Variants in SCNN1B observed in about 807,000 individuals in gnomAD.
SCNN1B encodes the protein sodium channel epithelial 1 subunit beta.
SCNN1B carries 46 observed loss-of-function variants against 65.3 expected under a neutral mutation model. That is an observed-to-expected ratio of 0.70 (90% CI 0.56 to 0.90). SCNN1B has a LOEUF of 0.90. Ranked by LOEUF, SCNN1B falls within the 40% of genes least tolerant of loss-of-function variation. The pLI is 0.00. For synonymous variants in SCNN1B, 349 were observed against 330.6 expected (o/e 1.06, Z -0.60); for missense variants, 751 against 830.5 (o/e 0.90, Z 1.18).
intron 7 of SCNN1B, among the ~76,000 whole-genome samples, chr16:23,374,573 CAAAA>C (rs1168924579): frequency 0.081 from 3,868 of 47,980 alleles, 186 homozygotes; most frequent in African/African-American, 0.25. Context: ...GACTCCATCT[CAAAA>C]AAAAAAAAAA....
intron 1 of SCNN1B, chr16:23,304,204 G>T (rs921706845): frequency 1.1e-6 from 1 of 894,220 alleles, no homozygotes; most frequent in Admixed American, 2.1e-5. Context: ...GAATTTAGGG[G>T]ATGAGGTCCT....
chr16:23,335,825 T>C (rs1446333250), intron 1 of SCNN1B, among the ~76,000 whole-genome samples: 1 of 152,114 alleles, frequency 6.6e-6, no homozygotes, highest in African/African-American at 2.4e-5. Context: ...CTTAACTGTA[T>C]ATATTGACAA....
intron 4 of SCNN1B, among the ~76,000 whole-genome samples, chr16:23,365,909 A>AC (rs1169414069): frequency 6.6e-6 from 1 of 152,340 alleles, no homozygotes; most frequent in East Asian, 1.9e-4. Context: ...CCTGTCCTGG[A>AC]CCCAAGTCAT....
intron 4 of SCNN1B, among the ~76,000 whole-genome samples, chr16:23,356,193 G>T (rs1367535399): frequency 2.0e-5 from 3 of 152,336 alleles, no homozygotes; most frequent in Middle Eastern, 3.4e-3. Flanking sequence ...GGGTGCACCA[G>T]CCCGATGAGG....
chr16:23,343,613 A>T (rs1051460010), intron 1 of SCNN1B, among the ~76,000 whole-genome samples: 1 of 124,404 alleles, frequency 8.0e-6, no homozygotes, highest in Non-Finnish European at 1.7e-5. Context: ...GAAAGAAAGA[A>T]AGAAAGAAAG....
intron 1 of SCNN1B, among the ~76,000 whole-genome samples, chr16:23,319,037 T>A (rs1177084328): frequency 7.6e-6 from 1 of 131,040 alleles, no homozygotes; most frequent in Non-Finnish European, 1.5e-5. Flanking sequence ...GGGGGTTTTG[T>A]TTGTTTTGTT....
At chr16:23,370,088 G>A (rs2142037940) in intron 5 of SCNN1B, among the ~76,000 whole-genome samples, 1 of 152,184 alleles carries the variant, frequency 6.6e-6, no homozygotes, top group East Asian at 1.9e-4. Flanking sequence ...GCGCCACAAT[G>A]CCCAACTAAT....
At chr16:23,284,901 G>A (rs1402507121) in intron 2 of SCNN1B, among the ~76,000 whole-genome samples, 1 of 152,146 alleles carries the variant, frequency 6.6e-6, no homozygotes, top group African/African-American at 2.4e-5. Flanking sequence ...ATCCAAATGA[G>A]CCTGGGGCAT....
intron 4 of SCNN1B, among the ~76,000 whole-genome samples, chr16:23,359,931 G>C (rs937806998): frequency 1.3e-5 from 2 of 152,144 alleles, no homozygotes; most frequent in African/African-American, 4.8e-5. Flanking sequence ...GGCCGGGCAT[G>C]GTGGCTCACG....
chr16:23,335,050 T>C (rs1375629868), intron 1 of SCNN1B, among the ~76,000 whole-genome samples: 1 of 152,236 alleles, frequency 6.6e-6, no homozygotes, highest in African/African-American at 2.4e-5. Context: ...CTCTTTCCTG[T>C]GGACATGTAA....
At position 23,380,924 on chromosome 16, in the gene SCNN1B, T is replaced by A. The variant is rs546414352; in HGVS notation, c.*123T>A. ...GGGTAGCTCTCCAGGCCAGAGCTTG[T>A]GTCCTTCAACAGAGAGGCCAGCGGC... On this transcript the variant is annotated 3_prime_UTR_variant, in exon 13 of 13. Coordinates refer to ENST00000343070, the MANE Select transcript of SCNN1B (RefSeq NM_000336.3). This position sits in a 1 kb window ranked among gnomAD's most constrained non-coding sequence, Gnocchi z 5.4. The A allele has an allele frequency of 6.4e-5, 71 of 1,110,352 alleles. No individual in the cohort carries two copies. The East Asian group carries it at 1.6e-3, about 26-fold the overall frequency. 68.8% of individuals were successfully genotyped at this position (1,110,352 alleles called of 1,614,324 possible). A position where few individuals can be genotyped will look rare whatever the true frequency, so the allele number is the denominator to read the frequency against.
intron 2 of SCNN1B, among the ~76,000 whole-genome samples, chr16:23,295,264 G>A (rs999518295): frequency 2.6e-5 from 4 of 151,934 alleles, no homozygotes; most frequent in African/African-American, 4.8e-5. Context: ...TGTTACCCAG[G>A]TTGGAGTGCA....
intron 1 of SCNN1B, among the ~76,000 whole-genome samples, chr16:23,336,478 TCTC>T (rs1961944981): frequency 6.6e-6 from 1 of 151,436 alleles, no homozygotes; most frequent in African/African-American, 2.4e-5. Flanking sequence ...TTCAAGCAAT[TCTC>T]CTGCCTCAGC....
rs1241389694 is a variant in SCNN1B at position 23,352,928 on chromosome 16, C to A, written c.439C>A (p.His147Asn). Residue 147 changes from histidine to asparagine, a missense_variant, in exon 3 of 13, where the codon CAC becomes AAC. Coordinates refer to ENST00000343070, the MANE Select transcript of SCNN1B (RefSeq NM_000336.3). ...GAACCTGAACTTCTCCATCTGGAAC[C>A]ACACACCCCTGGTCCTTATTGATGA... ...TRNLNFSIWN[H>N]TPLVLIDERN... 1.9e-6 allele frequency: 3 copies of A among 1,614,094 alleles called. No homozygotes were observed. The African/African-American group carries it at 4.0e-5, about 22-fold the overall frequency.
intron 1 of SCNN1B, among the ~76,000 whole-genome samples, chr16:23,339,778 C>T (rs377116514): frequency 2.0e-5 from 3 of 151,876 alleles, no homozygotes; most frequent in East Asian, 1.9e-4. Flanking sequence ...ATGTTGGCCA[C>T]GGAGTCTCAA....
At chr16:23,314,537 T>C (rs537087805) in intron 1 of SCNN1B, among the ~76,000 whole-genome samples, 1 of 152,174 alleles carries the variant, frequency 6.6e-6, no homozygotes, top group Non-Finnish European at 1.5e-5. Flanking sequence ...CCCAAGCAGT[T>C]TGACTGTAGA....
intron 1 of SCNN1B, among the ~76,000 whole-genome samples, chr16:23,345,886 G>T (rs915829129): frequency 1.3e-5 from 2 of 152,172 alleles, no homozygotes; most frequent in Non-Finnish European, 2.9e-5. Flanking sequence ...TGGAGGAAGT[G>T]GCCTTTGGTC....
chr16:23,356,224 G>A (rs1962418372), intron 4 of SCNN1B, among the ~76,000 whole-genome samples: 1 of 152,242 alleles, frequency 6.6e-6, no homozygotes, highest in Non-Finnish European at 1.5e-5. Context: ...GGGCACCCAG[G>A]CATCTGTTGC....
chr16:23,346,458 G>A (rs144226464), intron 1 of SCNN1B, among the ~76,000 whole-genome samples: 5,381 of 151,930 alleles, frequency 0.035, 278 homozygotes, highest in South Asian at 0.21. Context: ...CTGACCTCAG[G>A]TGATCCTCCT....
Sources: allele counts gnomAD v4.1 joint callset (sites outside exome capture counted in the v4.1 genomes callset), GRCh38; gene constraint gnomAD v4.1.1; non-coding constraint Gnocchi (gnomAD v3.1); transcripts MANE v1.5; gene names NCBI Gene and HGNC (gene_info 2026-07-23, HGNC 2026-07-21).